The following PLCE1 variants were observed in gnomAD, a reference collection of about 807,000 sequenced individuals.
PLCE1 encodes phospholipase C epsilon 1.
Under a neutral mutation model 242.8 loss-of-function variants are expected in PLCE1, and 119 were observed. The ratio of observed to expected loss-of-function variants is 0.49; its 90% CI spans 0.42 to 0.57. The LOEUF (loss-of-function observed/expected upper bound fraction) is 0.57, where lower values mean the gene tolerates loss of function less well. PLCE1 is among the 20% of genes least tolerant of loss of function. The pLI is 0.00. For synonymous variants in PLCE1, 945 were observed against 1,017.4 expected, an observed-to-expected ratio of 0.93 and a Z score of 1.35; for missense variants, 2,441 against 2,788.8, an observed-to-expected ratio of 0.88 and a Z score of 2.81.
intron 1 of PLCE1, among the ~76,000 whole-genome samples, chr10:94,005,558 T>C (rs1293993906): frequency 6.6e-6 from 1 of 152,178 alleles, no homozygotes; most frequent in East Asian, 1.9e-4. Flanking sequence ...CCTCTGTGAG[T>C]GCAGTTGCAC....
intron 2 of PLCE1, among the ~76,000 whole-genome samples, chr10:94,092,557 A>G (rs11187786): frequency 0.34 from 51,867 of 151,618 alleles, 10,261 homozygotes; most frequent in African/African-American, 0.56. Context: ...AAAGCCCAGT[A>G]AAAAAGTTCA....
rs757446731 is a variant in PLCE1 at position 94,322,073 on chromosome 10, C to G, written c.6501+14C>G. The G allele has an allele frequency of 1.2e-6, 2 of 1,612,338 alleles. No individual in the cohort carries two copies. Among genetic ancestry groups the G allele is most frequent in the South Asian group, 2.2e-5 (2 of 91,048 alleles). The stretch of plus-strand genomic sequence containing the variant: ...GTCATTCAGCAGGTAAAAGCCTCTC[C>G]CTTCCTCACCTGAGTCCTTTCCTCA... On this transcript the variant is annotated intron_variant, in intron 30 of 32. Transcript: ENST00000371380.
chr10:94,031,667 C>A lies in PLCE1; in HGVS notation c.621C>A (p.Asn207Lys). ...MSDTFCTLSE[N>K]LILDDCGNCV... The stretch of plus-strand genomic sequence containing the variant: ...ACACTTTCTGTACCCTATCAGAAAA[C>A]TTAATTTTAGACGATTGTGGAAATT... Residue 207 changes from asparagine (N) to lysine (K), a missense_variant, in exon 2 of 33, where the codon AAC (asparagine) becomes AAA (lysine). Physicochemically the swap from Asn to Lys is moderately conservative, Grantham distance 94. Around this residue, in one of 5 missense-constraint regions of PLCE1, gnomAD observed 393 missense variants for 378.5 expected, o/e 1.04. Transcript: ENST00000371380. The A allele has an allele frequency of 6.2e-7, 1 of 1,613,850 alleles. No individual in the cohort carries two copies. Among genetic ancestry groups the A allele is most frequent in the Non-Finnish European group, 8.5e-7 (1 of 1,179,874 alleles).
At chr10:94,053,747 C>T (rs2043828365) in intron 2 of PLCE1, among the ~76,000 whole-genome samples, 1 of 152,218 alleles carries the variant, frequency 6.6e-6, no homozygotes, top group African/African-American at 2.4e-5. Context: ...TTTCGCATTT[C>T]AACCAGGAAT....
At chr10:94,280,031 TC>T in intron 20 of PLCE1, 120 bp downstream of exon 20, 2 of 1,033,312 alleles carry the variant, frequency 1.9e-6, no homozygotes, top group Non-Finnish European at 3.0e-6. Context: ...TGTAATATTG[TC>T]CAGGAGTTTC....
chr10:94,326,198 GTTTA>G (rs1317892953), intron 32 of PLCE1, among the ~76,000 whole-genome samples: 1 of 152,198 alleles, frequency 6.6e-6, no homozygotes, highest in Non-Finnish European at 1.5e-5. Flanking sequence ...AAGCATTGCT[GTTTA>G]TGTGACAGAG....
chr10:94,141,697 AGAAG>A (rs2046979992), intron 3 of PLCE1, among the ~76,000 whole-genome samples: 1 of 114,182 alleles, frequency 8.8e-6, no homozygotes, highest in Admixed American at 1.1e-4. Flanking sequence ...AGGGAGGGAG[AGAAG>A]GAAGGGAGGG....
chr10:94,132,370 G>T lies in PLCE1; in HGVS notation c.1403G>T (p.Gly468Val). Reference sequence around the variant, plus strand: ...ACTTCAATATCGCAGTACATCACCGGTTCTCTCCTAGAAGCAACCACGTCT... The same window carrying T: ...ACTTCAATATCGCAGTACATCACCGTTTCTCTCCTAGAAGCAACCACGTCT... Reference protein sequence around the residue: ...QRTSISQYITGSLLEATTSLG... With the variant: ...QRTSISQYITVSLLEATTSLG... The change falls in exon 3 of 33, where the codon GGT (glycine) becomes GTT (valine). Residue 468 changes from glycine (G) to valine (V), a missense_variant. Physicochemically the swap from Gly to Val is moderately radical, Grantham distance 109. Coordinates refer to ENST00000371380, the MANE Select transcript of PLCE1 (RefSeq NM_016341.4). The T allele has an allele frequency of 6.2e-7, 1 of 1,614,074 alleles. No homozygotes were observed. The highest frequency in any genetic ancestry group is 8.5e-7 in the Non-Finnish European group (1 of 1,179,980).
In PLCE1 at chr10:94,280,068, G is replaced by C. The variant is rs777798958; in HGVS notation, c.4795+157G>C. 5 of 753,724 alleles carry C rather than the reference G, an allele frequency of 6.6e-6. No homozygotes were observed. In the East Asian group the frequency reaches 1.3e-4, roughly 20 times the overall value. The allele number at this position is 753,724 out of a possible 1,614,324, so 46.7% of individuals were successfully genotyped here. A position where few individuals can be genotyped will look rare whatever the true frequency, so the allele number is the denominator to read the frequency against. ...TGAATTCAGTCACTTAGCAAGGACC[G>C]AGGAAGGAGGGGATTCTGTTAGCCA... On this transcript the variant is annotated intron_variant, in intron 20 of 32. Coordinates refer to ENST00000371380, the MANE Select transcript of PLCE1 (RefSeq NM_016341.4).
intron 27 of PLCE1, 83 bp from the exon 28 acceptor site, chr10:94,313,171 T>C (rs532657526): frequency 6.5e-7 from 1 of 1,528,890 alleles, no homozygotes; most frequent in East Asian, 2.3e-5. Flanking sequence ...TCCGTACTTC[T>C]AAGTACTAGC....
At chr10:94,041,605 C>T (rs954411778) in intron 2 of PLCE1, among the ~76,000 whole-genome samples, 2 of 152,100 alleles carry the variant, frequency 1.3e-5, no homozygotes, top group African/African-American at 2.4e-5. Context: ...GAAGGAAACA[C>T]GCCTCCCGAT....
At chr10:93,994,448 G>A (rs1055460326) in intron 1 of PLCE1, among the ~76,000 whole-genome samples, 190 bp downstream of exon 1, 35 of 152,380 alleles carry the variant, frequency 2.3e-4, no homozygotes, top group African/African-American at 8.2e-4. Flanking sequence ...GCCCTCGCAG[G>A]GGCTAAAGGA....
At position 94,222,338 on chromosome 10, in the gene PLCE1, C is replaced by T. The variant is rs185142847; in HGVS notation, c.1810-4968C>T. 1.3e-3 allele frequency among the ~76,000 whole-genome samples: 193 copies of T among 152,160 alleles called. 1 individual carries two copies. Among genetic ancestry groups the T allele is most frequent in the Non-Finnish European group, 2.3e-3 (156 of 67,946 alleles). On this transcript the variant is annotated intron_variant, in intron 4 of 32. Coordinates refer to ENST00000371380, the MANE Select transcript of PLCE1 (RefSeq NM_016341.4). ...CTCCCTAGAGGAGGTAAGCTTCATT[C>T]ATTCATTCATTCATTCATTCATTCA... is the stretch of plus-strand genomic sequence containing the variant.
chr10:94,087,477 G>A (rs2044875898), intron 2 of PLCE1, among the ~76,000 whole-genome samples: 1 of 151,414 alleles, frequency 6.6e-6, no homozygotes, highest in Non-Finnish European at 1.5e-5. Context: ...GTCTTGCTCT[G>A]ACATCCAGGC....
intron 19 of PLCE1, chr10:94,279,160 G>A (rs2052090988): frequency 6.4e-6 from 1 of 156,144 alleles, no homozygotes; most frequent in South Asian, 2.0e-4. Flanking sequence ...CTGTACTGAT[G>A]CTTATCACTT....
At chr10:94,038,280 C>A (rs1359107737) in intron 2 of PLCE1, among the ~76,000 whole-genome samples, 1 of 152,094 alleles carries the variant, frequency 6.6e-6, no homozygotes, top group Non-Finnish European at 1.5e-5. Flanking sequence ...CTGACCCCCA[C>A]GACTAGACTA....
intron 2 of PLCE1, among the ~76,000 whole-genome samples, chr10:94,077,306 A>C (rs1441551402): frequency 6.6e-6 from 1 of 152,198 alleles, no homozygotes. Context: ...GTTGCTAAAT[A>C]TTCTACAAGG....
intron 9 of PLCE1, among the ~76,000 whole-genome samples, chr10:94,252,821 C>T (rs1344777530): frequency 6.6e-6 from 1 of 152,134 alleles, no homozygotes; most frequent in Non-Finnish European, 1.5e-5. Flanking sequence ...GAGGGCTCCA[C>T]AGAGCAACTG....
At chr10:94,163,540 C>CTA (rs1376740408) in intron 3 of PLCE1, among the ~76,000 whole-genome samples, 1 of 152,024 alleles carries the variant, frequency 6.6e-6, no homozygotes, top group South Asian at 2.1e-4. Flanking sequence ...TATTTTGAGC[C>CTA]TATGTGTGTC....
Sources: gnomAD v4.1 joint callset for allele counts (sites outside exome capture counted in the v4.1 genomes callset) on GRCh38, gnomAD v4.1.1 for gene constraint, gnomAD v4.1.1 regional missense constraint, MANE v1.5 for transcripts, NCBI Gene and HGNC (gene_info 2026-07-23, HGNC 2026-07-21) for gene names.